The following PLCH2 variants were observed in gnomAD, a reference collection of about 807,000 sequenced individuals.
PLCH2 encodes the protein 1-phosphatidylinositol 4,5-bisphosphate phosphodiesterase eta-2.
Under a neutral mutation model 134.7 loss-of-function variants are expected in PLCH2, and 98 were observed. The observed-to-expected ratio is 0.73, with a 90% CI of 0.62 to 0.86. PLCH2 has a LOEUF of 0.86. PLCH2 is among the 40% of genes least tolerant of loss of function. PLCH2 has a pLI of 0.00. For missense variants in PLCH2, 1,994 were observed against 1,986.6 expected (o/e 1.00, Z -0.07); for synonymous variants, 974 against 827.5 (o/e 1.18, Z -3.04).
At chr1:2,458,932 C>T (rs1242819285) in intron 2 of PLCH2, among the ~76,000 whole-genome samples, 3 of 152,256 alleles carry the variant, frequency 2.0e-5, no homozygotes, top group Admixed American at 6.5e-5. Flanking sequence ...AAACGGGGGC[C>T]CGAGGGGCTG....
At chr1:2,480,512 G>A (rs1037294723) in intron 4 of PLCH2, among the ~76,000 whole-genome samples, 200 bp downstream of exon 4, 1 of 152,336 alleles carries the variant, frequency 6.6e-6, no homozygotes, top group South Asian at 2.1e-4. Context: ...GCAGGTGGGT[G>A]CCCAGGTGCT....
At chr1:2,494,223 T>C (rs1187887144) in intron 11 of PLCH2, among the ~76,000 whole-genome samples, 1 of 152,122 alleles carries the variant, frequency 6.6e-6, no homozygotes, top group Non-Finnish European at 1.5e-5. Context: ...CCATTGGGAA[T>C]GAGCTTTGGG....
chr1:2,477,515 T>A (rs1018236312), intron 1 of PLCH2, among the ~76,000 whole-genome samples: 77 of 152,160 alleles, frequency 5.1e-4, no homozygotes, highest in African/African-American at 1.8e-3. Flanking sequence ...CTCTGTGCTT[T>A]AGCAGATGGT....
At chr1:2,418,748 C>T in the PLCH2 span, among the ~76,000 whole-genome samples, 2 of 152,190 alleles carry the variant, frequency 1.3e-5, no homozygotes, top group Non-Finnish European at 2.9e-5. Flanking sequence ...TGGGAGTGAG[C>T]CGTGTGCTCC....
At chr1:2,438,236 G>A (rs541109317) in intron 2 of PLCH2, among the ~76,000 whole-genome samples, 12 of 152,346 alleles carry the variant, frequency 7.9e-5, no homozygotes, top group East Asian at 7.7e-4. Context: ...GTGTGCTGGC[G>A]CCCGGCCCTG....
chr1:2,494,828 C>T, intron 11 of PLCH2, 28 bp from the exon 12 acceptor site: 4 of 1,529,466 alleles, frequency 2.6e-6, no homozygotes, highest in Non-Finnish European at 3.6e-6. Context: ...CTAGACTCAC[C>T]TTGTCCCTGT....
chr1:2,423,012 G>A (rs1465546647), upstream of PLCH2, among the ~76,000 whole-genome samples: 2 of 152,142 alleles, frequency 1.3e-5, no homozygotes, highest in Non-Finnish European at 2.9e-5. Flanking sequence ...CCGATCTCAC[G>A]ATAAAAGCCT....
intron 10 of PLCH2, among the ~76,000 whole-genome samples, chr1:2,490,493 TCTC>T (rs1642514970): frequency 6.7e-6 from 1 of 149,264 alleles, no homozygotes; most frequent in African/African-American, 2.5e-5. Flanking sequence ...GCCGATCTCC[TCTC>T]CTCTGGACAC....
chr1:2,470,972 C>T (rs1171612317), intron 1 of PLCH2, among the ~76,000 whole-genome samples: 1 of 152,138 alleles, frequency 6.6e-6, no homozygotes, highest in Admixed American at 6.5e-5. Context: ...TCAGTGAGGG[C>T]AGAGAGGCAG....
At chr1:2,494,240 G>A (rs1642748039) in intron 11 of PLCH2, 1 of 159,204 alleles carries the variant, frequency 6.3e-6, no homozygotes, top group Non-Finnish European at 1.4e-5. Flanking sequence ...TGGGGTGAAT[G>A]AGCAGCTCGT....
chr1:2,458,695 G>C (rs1376345045), intron 2 of PLCH2, among the ~76,000 whole-genome samples: 1 of 152,116 alleles, frequency 6.6e-6, no homozygotes, highest in Admixed American at 6.5e-5. Context: ...CCTCAGGGAC[G>C]CTCCCGCCCA....
intron 2 of PLCH2, among the ~76,000 whole-genome samples, chr1:2,449,534 C>G (rs1350512052): frequency 6.6e-6 from 1 of 152,086 alleles, no homozygotes; most frequent in African/African-American, 2.4e-5. Context: ...AACCAACCAA[C>G]CAGCAAACCA....
chr1:2,494,528 TG>T, intron 11 of PLCH2: 1 of 436,364 alleles, frequency 2.3e-6, no homozygotes, highest in Admixed American at 3.8e-5. Context: ...TCACCACTGG[TG>T]GGAAAAAAGG....
chr1:2,489,483 T>C, intron 9 of PLCH2, 105 bp downstream of exon 9: 3 of 1,231,626 alleles, frequency 2.4e-6, no homozygotes, highest in Non-Finnish European at 3.4e-6. Context: ...CATGGGCATA[T>C]CTAGGGGGCT....
rs1643300897 is a variant in PLCH2 at position 2,502,681 on chromosome 1, GAGA to G, written c.2959+275_2959+277del. On this transcript the variant is annotated intron_variant, in intron 21 of 21. Transcript: ENST00000378486. ...GCCTGGACCCTCACGCTATCCCGGG[GAGA>G]AGCAGAGAGGCCCCCAAGGGTCCTG... The G allele has an allele frequency of 4.3e-6, 3 of 703,258 alleles. No individual in the cohort carries two copies. The East Asian group carries it at 8.1e-5, about 19-fold the overall frequency. 43.6% of individuals were successfully genotyped at this position (703,258 alleles called of 1,614,324 possible).
intron 21 of PLCH2, chr1:2,503,533 C>A (rs367597512): frequency 3.5e-4 from 238 of 682,098 alleles, no homozygotes; most frequent in Admixed American, 1.9e-4. Context: ...GGGACATACA[C>A]GGAGCCCGCC....
chr1:2,467,620 A>C (rs908844634), exon 1 of PLCH2: 1 of 413,022 alleles, frequency 2.4e-6, no homozygotes, highest in Admixed American at 4.4e-5. Flanking sequence ...CCCGCCGGCC[A>C]TGGAAGAGCC....
In PLCH2 at chr1:2,441,573, G is replaced by A. The variant is rs992338877; in HGVS notation, c.115+10944G>A. Among the ~76,000 whole-genome samples the A allele has an allele frequency of 5.8e-4, 88 of 152,210 alleles. 2 individuals are homozygous for A. Among genetic ancestry groups the A allele is most frequent in the Non-Finnish European group, 1.8e-4 (12 of 68,028 alleles). On this transcript the variant is annotated intron_variant, in intron 2 of 3. Coordinates refer to the PLCH2 transcript ENST00000609981. ...TTGGGATCCCAGACCAGCTGATGCT[G>A]TCACGGTGGGGTTTCCTCCTGGGAA...
chr1:2,430,851 C>G (rs1260955677), intron 2 of PLCH2, among the ~76,000 whole-genome samples: 2 of 152,194 alleles, frequency 1.3e-5, no homozygotes, highest in Non-Finnish European at 2.9e-5. Context: ...TTCAAGAGCT[C>G]TCAGTGTGTG....
Sources: allele counts gnomAD v4.1 joint callset (sites outside exome capture counted in the v4.1 genomes callset), GRCh38; gene constraint gnomAD v4.1.1; transcripts MANE v1.5; gene names NCBI Gene and HGNC (gene_info 2026-07-23, HGNC 2026-07-21).